Variants in PUS7L observed in about 807,000 individuals in gnomAD.
PUS7L encodes pseudouridine synthase 7 like, also known as pseudouridylate synthase PUS7L.
A neutral mutation model predicts 51.1 loss-of-function variants in PUS7L; 49 were observed. The ratio of observed to expected loss-of-function variants is 0.96; its 90% CI spans 0.76 to 1.22. The LOEUF (loss-of-function observed/expected upper bound fraction) is 1.22, where lower values mean the gene tolerates loss of function less well. Among genes scored for constraint, PUS7L ranks in the 50% most tolerant of loss-of-function variants. The pLI, the probability that PUS7L is intolerant of heterozygous loss-of-function variation, is 0.00. For missense variants in PUS7L, 828 were observed against 820.6 expected, an observed-to-expected ratio of 1.01 and a Z score of -0.11; for synonymous variants, 277 against 276.2, an observed-to-expected ratio of 1.00 and a Z score of -0.03.
rs1358939327 is a variant in PUS7L at position 43,729,944 on chromosome 12, A to C, written c.*432T>G. On this transcript the variant is annotated 3_prime_UTR_variant, in exon 9 of 9. Transcript: ENST00000344862. ...AAAACAGGAAAGGGGGACAATAATA[A>C]TTAGCAAAATGCTTCATCTATCTTT... The C allele has an allele frequency of 6.1e-6, 1 of 163,194 alleles. No individual in the cohort carries two copies. The highest frequency in any genetic ancestry group is 2.4e-5 in the African/African-American group (1 of 41,590). The allele number at this position is 163,194 out of a possible 1,614,324, so 10.1% of individuals were successfully genotyped here. A position where few individuals can be genotyped will look rare whatever the true frequency, so the allele number is the denominator to read the frequency against.
chr12:43,731,048 C>T (rs1944542481), intron 8 of PUS7L, among the ~76,000 whole-genome samples: 1 of 152,084 alleles, frequency 6.6e-6, no homozygotes, highest in Non-Finnish European at 1.5e-5. Flanking sequence ...CAAAGAGTAA[C>T]CTCTACTGCT....
Position 43,727,750 on chromosome 12 carries a change from G to A in PUS7L, c.*2626C>T, listed in dbSNP as rs1224169845. 1.3e-5 allele frequency: 2 copies of A among 152,090 alleles called. No individual in the cohort carries two copies. Among genetic ancestry groups the A allele is most frequent in the East Asian group, 3.9e-4 (2 of 5,194 alleles). The allele number at this position is 152,090 out of a possible 1,614,324, so 9.4% of individuals were successfully genotyped here. A position where few individuals can be genotyped will look rare whatever the true frequency, so the allele number is the denominator to read the frequency against. On this transcript the variant is annotated 3_prime_UTR_variant, in exon 9 of 9. Transcript: ENST00000344862. ...ATCAGGTACTATGCTCATTATCTGGGTGATTAAATAATTTGTATGCAGAAC... is the reference window on the plus strand; with the variant it reads ...ATCAGGTACTATGCTCATTATCTGGATGATTAAATAATTTGTATGCAGAAC...
At chr12:43,743,687 C>T (rs1016980671) in intron 4 of PUS7L, among the ~76,000 whole-genome samples, 21 of 151,634 alleles carry the variant, frequency 1.4e-4, no homozygotes, top group African/African-American at 2.7e-4. Context: ...GGCGTGAACC[C>T]GGGAGGGGGT....
intron 1 of PUS7L, among the ~76,000 whole-genome samples, chr12:43,757,537 A>G (rs553139567): frequency 6.6e-6 from 1 of 151,604 alleles, no homozygotes; most frequent in East Asian, 1.9e-4. Context: ...GTTTTTCTTT[A>G]TTATTTATTG....
chr12:43,755,172 C>T lies in PUS7L; in HGVS notation c.74G>A (p.Gly25Asp). 6.2e-7 allele frequency: 1 copy of T among 1,612,386 alleles called. No homozygotes were observed. Among genetic ancestry groups the T allele is most frequent in the South Asian group, 1.1e-5 (1 of 90,942 alleles). Residue 25 changes from glycine (G) to aspartate (D), a missense_variant, in exon 2 of 9, where the codon GGC becomes GAC. Coordinates refer to ENST00000344862, the MANE Select transcript of PUS7L (RefSeq NM_031292.5). The stretch of plus-strand genomic sequence containing the variant: ...GTCACTTGGTGAGCTTTTTATAGTG[C>T]CATGAAATCCAACGTGATCATTAAA... Reference protein sequence around the residue: ...CFFNDHVGFHGTIKSSPSDFI... With the variant: ...CFFNDHVGFHDTIKSSPSDFI...
At chr12:43,737,896 G>T (rs1038652356) in intron 6 of PUS7L, 17 of 172,942 alleles carry the variant, frequency 9.8e-5, no homozygotes, top group Non-Finnish European at 1.5e-4. Flanking sequence ...TTTAAAAATT[G>T]ACAGGGCTAA....
At position 43,729,003 on chromosome 12, in the gene PUS7L, T is replaced by G. The variant is rs1163454483; in HGVS notation, c.*1373A>C. On this transcript the variant is annotated 3_prime_UTR_variant, in exon 9 of 9. Transcript: ENST00000344862. ...TTAATCACTATGCTAACATGTCTCT[T>G]ATTTGTGAAAGATGAATTCAGAGTA... The G allele has an allele frequency of 2.7e-6, 1 of 364,398 alleles. No homozygotes were observed. Among genetic ancestry groups the G allele is most frequent in the Non-Finnish European group, 4.9e-6 (1 of 204,002 alleles). The allele number at this position is 364,398 out of a possible 1,614,324, so 22.6% of individuals were successfully genotyped here.
chr12:43,735,802 A>C (rs566421947), intron 7 of PUS7L, among the ~76,000 whole-genome samples: 1 of 152,264 alleles, frequency 6.6e-6, no homozygotes, highest in South Asian at 2.1e-4. Flanking sequence ...TTTTAGGCAC[A>C]GTCTCGTTCT....
intron 5 of PUS7L, 113 bp from the exon 6 acceptor site, chr12:43,738,504 T>A: frequency 1.6e-6 from 1 of 626,664 alleles, no homozygotes. Context: ...ATAATTATAC[T>A]TGATGCTGCA....
In PUS7L at chr12:43,728,701, A is replaced by G. The variant is rs1944488958; in HGVS notation, c.*1675T>C. On this transcript the variant is annotated 3_prime_UTR_variant, in exon 9 of 9. Coordinates refer to ENST00000344862, the MANE Select transcript of PUS7L (RefSeq NM_031292.5). ...CCAAATACCCCATCATCTTAACAGG[A>G]AGGGATTTTCATTTATTTGCTTTTC... 6.6e-6 allele frequency: 1 copy of G among 152,160 alleles called. No homozygotes were observed. The highest frequency in any genetic ancestry group is 6.5e-5 in the Admixed American group (1 of 15,278). The allele number at this position is 152,160 out of a possible 1,614,324, so 9.4% of individuals were successfully genotyped here. A position where few individuals can be genotyped will look rare whatever the true frequency, so the allele number is the denominator to read the frequency against.
At position 43,726,961 on chromosome 12, in the gene PUS7L, G is replaced by T. The variant is rs971802240; in HGVS notation, c.*3415C>A. The T allele has an allele frequency of 6.6e-6, 1 of 152,128 alleles. No individual in the cohort carries two copies. The highest frequency in any genetic ancestry group is 2.4e-5 in the African/African-American group (1 of 41,428). The allele number at this position is 152,128 out of a possible 1,614,324, so 9.4% of individuals were successfully genotyped here. On this transcript the variant is annotated 3_prime_UTR_variant, in exon 9 of 9. Coordinates refer to ENST00000344862, the MANE Select transcript of PUS7L (RefSeq NM_031292.5). The stretch of plus-strand genomic sequence containing the variant: ...ATTTTCAAAGTATGCATGAACAAAG[G>T]TCTGATATCCAGAATCTATGAAGAA...
intron 3 of PUS7L, among the ~76,000 whole-genome samples, chr12:43,747,918 G>C (rs2137730759): frequency 6.6e-6 from 1 of 152,086 alleles, no homozygotes; most frequent in African/African-American, 2.4e-5. Context: ...CTCCCAAGTA[G>C]CTGGGATTAC....
intron 6 of PUS7L, among the ~76,000 whole-genome samples, chr12:43,736,902 A>G (rs1944707789): frequency 6.6e-6 from 1 of 152,130 alleles, no homozygotes; most frequent in Non-Finnish European, 1.5e-5. Flanking sequence ...CATTAGTAAC[A>G]GCTTACTAAA....
intron 4 of PUS7L, among the ~76,000 whole-genome samples, chr12:43,743,243 G>C (rs538777278): frequency 4.6e-5 from 7 of 152,256 alleles, no homozygotes; most frequent in Admixed American, 2.6e-4. Flanking sequence ...AACCATTAAA[G>C]AAATTGGTCA....
At chr12:43,736,320 G>T in intron 7 of PUS7L, 61 bp downstream of exon 7, 1 of 1,430,114 alleles carries the variant, frequency 7.0e-7, no homozygotes, top group East Asian at 2.3e-5. Context: ...CAGGGCTTTT[G>T]AAAAATTCAT....
At chr12:43,739,620 G>T (rs776865124) in intron 5 of PUS7L, 2 of 152,140 alleles carry the variant, frequency 1.3e-5, no homozygotes, top group African/African-American at 4.8e-5. Flanking sequence ...TTTTAGTAGA[G>T]ACAGTCTTTA....
chr12:43,735,165 A>G (rs1307470276), intron 7 of PUS7L, among the ~76,000 whole-genome samples: 1 of 151,916 alleles, frequency 6.6e-6, no homozygotes, highest in African/African-American at 2.4e-5. Flanking sequence ...AATAAAAAAA[A>G]AATTAGCCAG....
chr12:43,744,817 C>T (rs1013570606), intron 4 of PUS7L, among the ~76,000 whole-genome samples: 1 of 152,118 alleles, frequency 6.6e-6, no homozygotes, highest in Non-Finnish European at 1.5e-5. Context: ...CTCTAAAGTA[C>T]AGTCACCTAA....
intron 4 of PUS7L, among the ~76,000 whole-genome samples, chr12:43,743,762 CAA>C (rs557968585): frequency 1.6e-5 from 2 of 128,008 alleles, no homozygotes; most frequent in Non-Finnish European, 1.7e-5. Flanking sequence ...GACTCCGTCT[CAA>C]AAAAAAAAAA....
Sources: allele counts gnomAD v4.1 joint callset (sites outside exome capture counted in the v4.1 genomes callset), GRCh38; gene constraint gnomAD v4.1.1; transcripts MANE v1.5; gene names NCBI Gene and HGNC (gene_info 2026-07-23, HGNC 2026-07-21).